PSG8: variants seen among roughly 807,000 people sequenced by gnomAD.
The protein encoded by PSG8 is pregnancy-specific beta-1-glycoprotein 8.
PSG8 carries 57 observed loss-of-function variants against 42.5 expected under a neutral mutation model. That is an observed-to-expected ratio of 1.34 (90% confidence interval 1.08 to 1.67). The LOEUF is 1.67. Among genes scored for constraint, PSG8 ranks in the 40% most tolerant of loss-of-function variants. The pLI, the probability that PSG8 is intolerant of heterozygous loss-of-function variation, is 0.00. For synonymous variants in PSG8, 280 were observed against 196.8 expected (o/e 1.42, Z -3.54); for missense variants, 783 against 518.6 (o/e 1.51, Z -4.95).
At chr19:42,759,132 T>C (rs1255948004) in intron 2 of PSG8, among the ~76,000 whole-genome samples, 1 of 152,070 alleles carries the variant, frequency 6.6e-6, no homozygotes, top group Non-Finnish European at 1.5e-5. Context: ...GAACAGATGA[T>C]GGAAGTCTGG....
chr19:42,757,070 C>G (rs2107515), intron 3 of PSG8, among the ~76,000 whole-genome samples: 1 of 151,864 alleles, frequency 6.6e-6, no homozygotes, highest in Non-Finnish European at 1.5e-5. Flanking sequence ...TAAACTTATT[C>G]CAAAATATTT....
chr19:42,756,156 T>G (rs1969921296), intron 3 of PSG8: 1 of 152,178 alleles, frequency 6.6e-6, no homozygotes, highest in Non-Finnish European at 1.5e-5. Context: ...GTGTGTTTGA[T>G]GGATATGAGA....
intron 1 of PSG8, among the ~76,000 whole-genome samples, chr19:42,765,030 C>CTT (rs1016034069): frequency 4.6e-5 from 7 of 151,098 alleles, no homozygotes; most frequent in Middle Eastern, 3.5e-3. Flanking sequence ...AAACAGAACA[C>CTT]AAGATTTTCC....
intron 3 of PSG8, among the ~76,000 whole-genome samples, chr19:42,757,787 G>A (rs531539431): frequency 1.4e-4 from 22 of 152,098 alleles, no homozygotes; most frequent in African/African-American, 5.3e-4. Flanking sequence ...AGCTGTGGAC[G>A]CTGAGTCTCC....
intron 2 of PSG8, among the ~76,000 whole-genome samples, chr19:42,761,605 G>C (rs897716402): frequency 6.6e-6 from 1 of 151,892 alleles, no homozygotes; most frequent in African/African-American, 2.4e-5. Flanking sequence ...CAGATTTAAG[G>C]GCAAACAGAT....
At chr19:42,753,728 G>C (rs1969837942), downstream of PSG8, among the ~76,000 whole-genome samples, 1 of 152,126 alleles carries the variant, frequency 6.6e-6, no homozygotes, top group African/African-American at 2.4e-5. Context: ...GTTCATACTG[G>C]TTCATTCTAT....
intron 2 of PSG8, 186 bp from the exon 3 acceptor site, chr19:42,758,466 G>C: frequency 3.1e-6 from 4 of 1,271,294 alleles, no homozygotes; most frequent in Non-Finnish European, 4.3e-6. Flanking sequence ...GAGGCTGCCT[G>C]CTTCATGTAG....
At chr19:42,762,708 A>T (rs1479595660) in intron 2 of PSG8, among the ~76,000 whole-genome samples, 8 of 151,810 alleles carry the variant, frequency 5.3e-5, no homozygotes, top group South Asian at 2.1e-4. Context: ...CTAAGATCTG[A>T]GGGGGAGGCC....
intron 4 of PSG8, 87 bp downstream of exon 4, chr19:42,754,901 G>C (rs1969878540): frequency 1.3e-6 from 2 of 1,569,282 alleles, no homozygotes; most frequent in Admixed American, 1.8e-5. Context: ...GTCTATACTT[G>C]GACCAGAGAG....
At chr19:42,753,385 G>A (rs746925841), downstream of PSG8, 44 of 779,774 alleles carry the variant, frequency 5.6e-5, no homozygotes, top group Admixed American at 5.6e-4. Flanking sequence ...GTCTACAGGT[G>A]GATAATAAAA....
chr19:42,757,140 C>T (rs1171112365), intron 3 of PSG8, among the ~76,000 whole-genome samples: 1 of 151,926 alleles, frequency 6.6e-6, no homozygotes, highest in Non-Finnish European at 1.5e-5. Flanking sequence ...TCGGATTGTT[C>T]ATTGTTAGTG....
chr19:42,758,114 G>T lies in PSG8; in HGVS notation c.597C>A (p.Asn199Lys), dbSNP rs767372250. 1.9e-6 allele frequency: 3 copies of T among 1,614,006 alleles called. No homozygotes were observed. Among genetic ancestry groups the T allele is most frequent in the Admixed American group, 1.7e-5 (1 of 60,016 alleles). Reference sequence around the variant, plus strand: ...TGACACCCAATAGAAAGAGGGTCCTGTTGGTTTCAGACAACTGCAACCTGT... The same window carrying T: ...TGACACCCAATAGAAAGAGGGTCCTTTTGGTTTCAGACAACTGCAACCTGT... ...MSHRLQLSET[N>K]RTLFLLGVTK... The change falls in exon 3 of 5, where the codon AAC becomes AAA. Residue 199 changes from asparagine (N) to lysine (K), a missense_variant. By Grantham distance (94) the Asn-to-Lys change is moderately conservative. Coordinates refer to ENST00000306511, the MANE Select transcript of PSG8 (RefSeq NM_182707.3).
rs551641047 is a variant in PSG8 at position 42,754,516 on chromosome 19, A to G, written c.1060T>C (p.Cys354Arg). 2 of 1,613,892 alleles carry G rather than the reference A, an allele frequency of 1.2e-6. No homozygotes were observed. The highest frequency in any genetic ancestry group is 1.3e-5 in the African/African-American group (1 of 75,022). ...YRSGEVLYLS[C>R]SADSNPPAQY... ...GCCGGTGGGTTAGAGTCCGCAGAAC[A>G]GGACAAGTAGAGGACTTCTCCTGAA... is the stretch of plus-strand genomic sequence containing the variant. Residue 354 changes from cysteine to arginine, a missense_variant, in exon 5 of 5, where the codon TGT (cysteine) becomes CGT (arginine). Coordinates refer to ENST00000306511, the MANE Select transcript of PSG8 (RefSeq NM_182707.3).
chr19:42,758,977 GC>G (rs1970005479), intron 2 of PSG8: 2 of 153,152 alleles, frequency 1.3e-5, no homozygotes, highest in Admixed American at 1.3e-4. Flanking sequence ...AGAACTGATA[GC>G]TTTGGACCAA....
At chr19:42,756,340 T>C (rs1441667170) in intron 3 of PSG8, among the ~76,000 whole-genome samples, 4 of 152,156 alleles carry the variant, frequency 2.6e-5, no homozygotes, top group African/African-American at 9.7e-5. Context: ...TGTTCATGGG[T>C]GTGCAGTTTC....
chr19:42,753,203 T>C (rs935373418), downstream of PSG8: 6 of 765,992 alleles, frequency 7.8e-6, no homozygotes, highest in African/African-American at 8.5e-5. Flanking sequence ...TCGAACATTT[T>C]AGTGAGTTCT....
intron 2 of PSG8, among the ~76,000 whole-genome samples, chr19:42,762,495 C>G (rs150124947): frequency 0.013 from 1,986 of 152,192 alleles, 34 homozygotes; most frequent in South Asian, 0.024. Context: ...CATGCAAATT[C>G]AGTCTCTAAA....
Position 42,754,398 on chromosome 19 carries a change from G to A in PSG8, c.1178C>T (p.Ala393Val), listed in dbSNP as rs1382246325. The part of the protein sequence containing the change: ...QITTKHSGLY[A>V]CSVRNSATGK... Reference sequence around the variant, plus strand: ...AGTGGCTGAGTTACGAACAGAGCAAGCATAGAGCCCGCTATGCTTTGTAGT... The same window carrying A: ...AGTGGCTGAGTTACGAACAGAGCAAACATAGAGCCCGCTATGCTTTGTAGT... The change falls in exon 5 of 5, where the codon GCT becomes GTT. Residue 393 changes from alanine (A) to valine (V), a missense_variant. By Grantham distance (64) the Ala-to-Val change is moderately conservative (BLOSUM62 0). Transcript: ENST00000306511. The A allele has an allele frequency of 6.2e-6, 10 of 1,613,712 alleles. No individual in the cohort carries two copies. Among genetic ancestry groups the A allele is most frequent in the Admixed American group, 1.7e-5 (1 of 59,974 alleles).
At chr19:42,753,157 T>C (rs1453716748), downstream of PSG8, 1 of 706,256 alleles carries the variant, frequency 1.4e-6, no homozygotes, top group Non-Finnish European at 2.6e-6. Flanking sequence ...CCACTTGTTG[T>C]CCTGGTTTAC....
Sources: gnomAD v4.1 joint callset for allele counts (sites outside exome capture counted in the v4.1 genomes callset) on GRCh38, gnomAD v4.1.1 for gene constraint, MANE v1.5 for transcripts, NCBI Gene and HGNC (gene_info 2026-07-23, HGNC 2026-07-21) for gene names.